Variants in DMD observed in about 807,000 individuals in gnomAD.
DMD encodes dystrophin, also known as mutant dystrophin.
A neutral mutation model predicts 330.1 loss-of-function variants in DMD; 63 were observed. The ratio of observed to expected loss-of-function variants is 0.19; its 90% CI spans 0.16 to 0.24. The LOEUF (loss-of-function observed/expected upper bound fraction) is 0.24. Among genes scored for constraint, DMD ranks in the 10% least tolerant of loss-of-function variants. The probability of loss-of-function intolerance (pLI) is 1.00; values close to 1 mark genes in which losing one functional copy is unlikely to be tolerated. For synonymous variants in DMD, 1,223 were observed against 959.8 expected, an observed-to-expected ratio of 1.27 and a Z score of -5.07; for missense variants, 3,344 against 2,684.1, an observed-to-expected ratio of 1.25 and a Z score of -5.43.
At chrX:32,768,992 C>G (rs2073304713) in intron 7 of DMD, among the ~76,000 whole-genome samples, 2 of 111,782 alleles carry the variant, frequency 1.8e-5, no homozygotes, top group Admixed American at 9.5e-5. Context: ...CACAAGGCTT[C>G]TAAGAAGTCA....
intron 9 of DMD, among the ~76,000 whole-genome samples, chrX:32,656,232 C>A (rs1163498753): frequency 8.9e-6 from 1 of 111,762 alleles, no homozygotes; most frequent in Non-Finnish European, 1.9e-5. Context: ...CTCTCTTCTT[C>A]GTCCTCCCTC....
chrX:31,613,824 G>T (rs1356079963), intron 55 of DMD, among the ~76,000 whole-genome samples: 1 of 111,435 alleles, frequency 9.0e-6, no homozygotes, highest in Non-Finnish European at 1.9e-5. Context: ...CCTGTTTACT[G>T]TTCTGTAGAA....
intron 34 of DMD, among the ~76,000 whole-genome samples, chrX:32,369,717 T>G (rs1243869684): frequency 9.0e-6 from 1 of 111,203 alleles, no homozygotes; most frequent in African/African-American, 3.3e-5. Context: ...ACTTATATTC[T>G]TAAGATAACT....
intron 53 of DMD, among the ~76,000 whole-genome samples, chrX:31,676,194 A>C (rs1189090130): frequency 8.9e-6 from 1 of 112,262 alleles, no homozygotes; most frequent in Non-Finnish European, 1.9e-5. Context: ...ACACAGACTC[A>C]GAAAGAACTT....
chrX:33,013,905 A>ATAG (rs36042701), intron 2 of DMD, among the ~76,000 whole-genome samples: 11,008 of 111,816 alleles, frequency 0.098, 762 homozygotes, highest in African/African-American at 0.22. Context: ...GTGTAATAGG[A>ATAG]TAGTAACACA....
At chrX:32,307,631 G>A (rs940346554) in intron 42 of DMD, among the ~76,000 whole-genome samples, 1 of 111,443 alleles carries the variant, frequency 9.0e-6, no homozygotes, top group Non-Finnish European at 1.9e-5. Flanking sequence ...TTTCAGTTAA[G>A]TCTTTTAAGT....
intron 16 of DMD, among the ~76,000 whole-genome samples, chrX:32,560,207 T>C (rs944905036): frequency 8.3e-5 from 9 of 108,233 alleles, no homozygotes; most frequent in South Asian, 4.1e-4. Context: ...TATATATATA[T>C]ATGCTTACAC....
chrX:31,932,489 T>C (rs2094869051), intron 45 of DMD, among the ~76,000 whole-genome samples: 1 of 112,192 alleles, frequency 8.9e-6, no homozygotes, highest in Non-Finnish European at 1.9e-5. Flanking sequence ...CTCATGCCTG[T>C]AACCCTAGCG....
chrX:31,975,784 T>G (rs772755875), intron 44 of DMD, among the ~76,000 whole-genome samples: 3 of 112,262 alleles, frequency 2.7e-5, no homozygotes, highest in Non-Finnish European at 5.6e-5. Flanking sequence ...AAATACTTCT[T>G]CAAAAGCCAT....
intron 27 of DMD, among the ~76,000 whole-genome samples, chrX:32,443,616 C>T (rs2098291494): frequency 9.0e-6 from 1 of 111,069 alleles, no homozygotes; most frequent in South Asian, 3.7e-4. Context: ...ATTTAACTGT[C>T]AGAATGGATA....
intron 2 of DMD, among the ~76,000 whole-genome samples, chrX:32,927,820 G>C (rs2089205178): frequency 9.0e-6 from 1 of 110,555 alleles, no homozygotes; most frequent in African/African-American, 3.3e-5. Context: ...AAGGTAGCAT[G>C]GTGCACACAC....
At position 33,189,060 on chromosome X, in the gene DMD, C is replaced by T. The variant is rs139997855; in HGVS notation, c.31+22222G>A. The stretch of plus-strand genomic sequence containing the variant: ...GGCAATGCTAGCAAAATAATACATT[C>T]CTTATTCATTTGTAATGTTTTATAT... On this transcript the variant is annotated intron_variant, in intron 1 of 78. Transcript: ENST00000357033. Among the ~76,000 whole-genome samples, 968 of 111,427 alleles carry T rather than the reference C, an allele frequency of 8.7e-3. 11 individuals carry two copies. The highest frequency in any genetic ancestry group is 0.029 in the African/African-American group (903 of 30,664).
chrX:32,779,630 G>A (rs2074512237), intron 7 of DMD, among the ~76,000 whole-genome samples: 1 of 100,735 alleles, frequency 9.9e-6, no homozygotes, highest in Admixed American at 1.2e-4. Flanking sequence ...TGAGAATGAT[G>A]GTTTCCAGCT....
intron 42 of DMD, among the ~76,000 whole-genome samples, chrX:32,297,235 TTTTATTTATTTATTTA>T (rs199584874): frequency 3.0e-4 from 29 of 97,166 alleles, no homozygotes; most frequent in Non-Finnish European, 5.4e-4. Context: ...GACAGTCATA[TTTTATTTATTTATTTA>T]TTTATTTATT....
At chrX:32,336,077 C>T (rs915407341) in intron 41 of DMD, among the ~76,000 whole-genome samples, 1 of 97,424 alleles carries the variant, frequency 1.0e-5, no homozygotes, top group African/African-American at 3.7e-5. Context: ...GTGTGTATAA[C>T]ATGTTATATA....
chrX:31,722,456 G>A (rs757927115), intron 52 of DMD, among the ~76,000 whole-genome samples: 4 of 110,828 alleles, frequency 3.6e-5, no homozygotes, highest in African/African-American at 9.9e-5. Context: ...TCATAAGATT[G>A]TCTTTCACTA....
intron 1 of DMD, among the ~76,000 whole-genome samples, chrX:33,104,528 C>A (rs2095268848): frequency 9.2e-6 from 1 of 108,501 alleles, no homozygotes; most frequent in Non-Finnish European, 1.9e-5. Context: ...CCCACTCCTG[C>A]CTGCCAGAGA....
chrX:32,252,955 A>T (rs113195391), intron 43 of DMD, among the ~76,000 whole-genome samples: 1 of 90,908 alleles, frequency 1.1e-5, no homozygotes, highest in Non-Finnish European at 2.1e-5. Flanking sequence ...AATATATATA[A>T]ATATATATAT....
chrX:31,214,932 T>TTTTTC (rs1193928011), intron 64 of DMD, among the ~76,000 whole-genome samples: 18 of 47,171 alleles, frequency 3.8e-4, no homozygotes, highest in Non-Finnish European at 4.3e-4. Flanking sequence ...TTTTATTTCT[T>TTTTTC]TTTTCTTTTT....
Sources: allele counts gnomAD v4.1 joint callset (sites outside exome capture counted in the v4.1 genomes callset), GRCh38; gene constraint gnomAD v4.1.1; transcripts MANE v1.5; gene names NCBI Gene and HGNC (gene_info 2026-07-23, HGNC 2026-07-21).